The following POFUT3 variants were observed in gnomAD, a reference collection of about 807,000 sequenced individuals.
The protein encoded by POFUT3 is protein O-fucosyltransferase 3.
At chr8:33,308,867 T>C in the POFUT3 span, among the ~76,000 whole-genome samples, 2 of 150,702 alleles carry the variant, frequency 1.3e-5, no homozygotes, top group Non-Finnish European at 3.0e-5. Context: ...CTGTGCATTC[T>C]GGAGCCCAGG....
At chr8:33,309,311 G>A in the POFUT3 span, among the ~76,000 whole-genome samples, 1 of 148,360 alleles carries the variant, frequency 6.7e-6, no homozygotes, top group African/African-American at 2.5e-5. Context: ...TATCTGCATT[G>A]CCATTTACAT....
At chr8:33,372,733 G>A in the POFUT3 span, 1 of 1,614,064 alleles carries the variant, frequency 6.2e-7, no homozygotes, top group South Asian at 1.1e-5. Flanking sequence ...GGAGTGGTGA[G>A]AAAGCAAACA....
the POFUT3 span, among the ~76,000 whole-genome samples, chr8:33,360,371 A>G: frequency 6.6e-6 from 1 of 150,708 alleles, no homozygotes; most frequent in East Asian, 2.0e-4. Context: ...ACTTGAACCC[A>G]GGAGGCGGAG....
At chr8:33,469,059 A>C in the POFUT3 span, among the ~76,000 whole-genome samples, 2 of 152,216 alleles carry the variant, frequency 1.3e-5, no homozygotes, top group Non-Finnish European at 2.9e-5. Flanking sequence ...TAATGCCAGC[A>C]CTTTGGGAGG....
At chr8:33,332,403 A>C in the POFUT3 span, among the ~76,000 whole-genome samples, 1 of 151,568 alleles carries the variant, frequency 6.6e-6, no homozygotes, top group South Asian at 2.1e-4. Context: ...AGGCAGGAGA[A>C]TCGCTTAAAC....
the POFUT3 span, among the ~76,000 whole-genome samples, chr8:33,314,749 G>A: frequency 6.6e-6 from 1 of 152,160 alleles, no homozygotes; most frequent in Non-Finnish European, 1.5e-5. Flanking sequence ...TCTGAAGTCA[G>A]ACAGATGAAT....
the POFUT3 span, among the ~76,000 whole-genome samples, chr8:33,435,222 ATTT>A: frequency 6.9e-6 from 1 of 144,356 alleles, no homozygotes; most frequent in African/African-American, 2.6e-5. Flanking sequence ...TTTTAATTTA[ATTT>A]TTTTTTTTTT....
the POFUT3 span, chr8:33,377,497 T>C: frequency 6.6e-6 from 1 of 152,200 alleles, no homozygotes; most frequent in African/African-American, 2.4e-5. Context: ...ACGGTTTATA[T>C]GAGAAAGTCA....
chr8:33,456,771 CTT>C, the POFUT3 span, among the ~76,000 whole-genome samples: 195 of 117,294 alleles, frequency 1.7e-3, 2 homozygotes, highest in East Asian at 0.015. Context: ...TTTCTTTTTT[CTT>C]TTTTTTTTTT....
At chr8:33,422,545 C>CAAAA in the POFUT3 span, among the ~76,000 whole-genome samples, 10 of 37,126 alleles carry the variant, frequency 2.7e-4, no homozygotes, top group African/African-American at 4.8e-4. Context: ...AACTCTGTCT[C>CAAAA]AAAAAAAAAA....
chr8:33,398,514 T>G, the POFUT3 span, among the ~76,000 whole-genome samples: 1 of 152,186 alleles, frequency 6.6e-6, no homozygotes, highest in African/African-American at 2.4e-5. Flanking sequence ...TCTGCCTTTC[T>G]TGCATTTCTA....
chr8:33,310,975 A>C, the POFUT3 span, among the ~76,000 whole-genome samples: 3 of 152,166 alleles, frequency 2.0e-5, no homozygotes, highest in Non-Finnish European at 2.9e-5. Context: ...GACTTAAGCT[A>C]TTTTTCCCTC....
chr8:33,393,456 A>C, the POFUT3 span, among the ~76,000 whole-genome samples: 2 of 152,250 alleles, frequency 1.3e-5, no homozygotes, highest in Non-Finnish European at 2.9e-5. Flanking sequence ...GAATGCTGGC[A>C]AAGGGTGGCA....
At chr8:33,444,775 G>A in the POFUT3 span, among the ~76,000 whole-genome samples, 6 of 151,940 alleles carry the variant, frequency 3.9e-5, no homozygotes, top group African/African-American at 7.3e-5. Context: ...CTGAGATCAC[G>A]CCACTGCATT....
At chr8:33,374,352 C>T in the POFUT3 span, among the ~76,000 whole-genome samples, 1 of 152,266 alleles carries the variant, frequency 6.6e-6, no homozygotes, top group Admixed American at 6.5e-5. Flanking sequence ...CAAGTGTTAA[C>T]ATGAGAAGAC....
At chr8:33,469,295 G>A in the POFUT3 span, among the ~76,000 whole-genome samples, 1 of 152,190 alleles carries the variant, frequency 6.6e-6, no homozygotes, top group African/African-American at 2.4e-5. Context: ...TACAGAGCAA[G>A]ACTCTGTCTC....
chr8:33,458,366 T>A, the POFUT3 span, among the ~76,000 whole-genome samples: 3 of 152,234 alleles, frequency 2.0e-5, no homozygotes, highest in South Asian at 6.2e-4. Context: ...ATGATTTTTT[T>A]CTATTTATCC....
At chr8:33,385,772 T>C in the POFUT3 span, among the ~76,000 whole-genome samples, 2 of 152,034 alleles carry the variant, frequency 1.3e-5, no homozygotes, top group African/African-American at 2.4e-5. Context: ...TAATCCCAGC[T>C]TCTTAGGAGG....
At chr8:33,357,894 AG>A in the POFUT3 span, among the ~76,000 whole-genome samples, 1 of 152,154 alleles carries the variant, frequency 6.6e-6, no homozygotes, top group African/African-American at 2.4e-5. Flanking sequence ...TCAGAAAAGA[AG>A]GGGGTCCATG....
Sources: gnomAD v4.1 joint callset for allele counts (sites outside exome capture counted in the v4.1 genomes callset) on GRCh38, gnomAD v4.1.1 for gene constraint, MANE v1.5 for transcripts, NCBI Gene and HGNC (gene_info 2026-07-23, HGNC 2026-07-21) for gene names.